Variants in ARRB1 observed in about 807,000 individuals in gnomAD.
The protein encoded by ARRB1 is arrestin beta 1.
Under a neutral mutation model 56.8 loss-of-function variants are expected in ARRB1, and 21 were observed. The ratio of observed to expected loss-of-function variants is 0.37; its 90% CI spans 0.26 to 0.53. ARRB1 has a LOEUF of 0.53. ARRB1 is among the 20% of genes least tolerant of loss of function. The probability of loss-of-function intolerance (pLI) is 0.88; values close to 1 mark genes in which losing one functional copy is unlikely to be tolerated. For missense variants in ARRB1, 424 were observed against 553.7 expected, an observed-to-expected ratio of 0.77 and a Z score of 2.35; for synonymous variants, 210 against 218.6, an observed-to-expected ratio of 0.96 and a Z score of 0.35.
Position 75,274,357 on chromosome 11 carries a change from G to C in ARRB1, c.777-146C>G, listed in dbSNP as rs1390133197. The C allele has an allele frequency of 7.0e-6, 8 of 1,149,022 alleles. No individual in the cohort carries two copies. The South Asian group carries it at 1.2e-4, about 17-fold the overall frequency. The allele number at this position is 1,149,022 out of a possible 1,614,324, so 71.2% of individuals were successfully genotyped here. On this transcript the variant is annotated intron_variant, in intron 10 of 15. Transcript: ENST00000420843. ...TCCCCCAGACACACGGACCACTTGG[G>C]CCAGCCCAGCTCGGGCAAGGAGACC...
intron 1 of ARRB1, among the ~76,000 whole-genome samples, chr11:75,320,850 G>A (rs765815246): frequency 2.6e-5 from 4 of 152,338 alleles, no homozygotes; most frequent in South Asian, 2.1e-4. Flanking sequence ...ACCACTGGGC[G>A]CTGGGACACA....
At chr11:75,283,934 C>T (rs1375702836) in intron 4 of ARRB1, among the ~76,000 whole-genome samples, 2 of 152,158 alleles carry the variant, frequency 1.3e-5, no homozygotes, top group Admixed American at 6.5e-5. Context: ...CGCATTGATA[C>T]TGCCCCGGTA....
chr11:75,300,136 G>A lies in ARRB1; in HGVS notation c.21-10097C>T, dbSNP rs142280173. On this transcript the variant is annotated intron_variant, in intron 1 of 15. Transcript: ENST00000420843. ...AGGAGAAACACTGAACCCAGGAGGC[G>A]AGGTTGCAGTGAGCTGAGATTGCAC... Among the ~76,000 whole-genome samples the A allele has an allele frequency of 1.8e-3, 266 of 149,454 alleles. 1 individual carries two copies. Among genetic ancestry groups the A allele is most frequent in the African/African-American group, 5.9e-3 (239 of 40,344 alleles).
At chr11:75,308,202 C>T (rs939443296) in intron 1 of ARRB1, among the ~76,000 whole-genome samples, 5 of 152,208 alleles carry the variant, frequency 3.3e-5, no homozygotes, top group Non-Finnish European at 7.3e-5. Flanking sequence ...CCACAAAGTA[C>T]TTTGCCGACA....
intron 1 of ARRB1, among the ~76,000 whole-genome samples, chr11:75,341,042 T>C (rs894234843): frequency 4.0e-5 from 6 of 149,464 alleles, no homozygotes; most frequent in East Asian, 2.0e-4. Context: ...CTGTGTACAC[T>C]ACCCTGGACC....
chr11:75,281,891 G>T, intron 6 of ARRB1, 71 bp downstream of exon 6: 1 of 1,520,250 alleles, frequency 6.6e-7, no homozygotes, highest in South Asian at 1.1e-5. Flanking sequence ...GCACCTCCCA[G>T]GGAGAAAGCC....
chr11:75,276,156 A>G (rs1253892047), intron 10 of ARRB1, among the ~76,000 whole-genome samples: 1 of 152,180 alleles, frequency 6.6e-6, no homozygotes, highest in African/African-American at 2.4e-5. Context: ...ACAAATACAC[A>G]TATACATGTA....
chr11:75,314,609 C>G (rs544707483), intron 1 of ARRB1, among the ~76,000 whole-genome samples: 2 of 148,294 alleles, frequency 1.3e-5, no homozygotes, highest in Non-Finnish European at 2.9e-5. Context: ...AACAACAGCA[C>G]GTTTTTTTTT....
At chr11:75,312,259 G>A (rs56117769) in intron 1 of ARRB1, 41,504 of 814,674 alleles carry the variant, frequency 0.051, 1,260 homozygotes, top group African/African-American at 0.065. Context: ...CTGCCCCTGG[G>A]AAGGAGTGGG....
chr11:75,347,050 C>G (rs764935728), intron 1 of ARRB1, among the ~76,000 whole-genome samples: 1 of 152,272 alleles, frequency 6.6e-6, no homozygotes, highest in Non-Finnish European at 1.5e-5. Flanking sequence ...TCCCAGCCTG[C>G]TGTTCTACTG....
intron 15 of ARRB1, 82 bp from the exon 16 acceptor site, chr11:75,266,356 C>A: frequency 8.6e-7 from 1 of 1,164,522 alleles, no homozygotes; most frequent in South Asian, 1.2e-5. Context: ...CCAGATGTGA[C>A]TCAGAGTATG....
intron 12 of ARRB1, among the ~76,000 whole-genome samples, chr11:75,272,141 A>C (rs527450572): frequency 4.6e-5 from 7 of 152,380 alleles, no homozygotes; most frequent in Admixed American, 2.0e-4. Flanking sequence ...GAGATGTCCT[A>C]TTATATAAGG....
chr11:75,343,488 C>A (rs979341942), intron 1 of ARRB1, among the ~76,000 whole-genome samples: 1 of 152,200 alleles, frequency 6.6e-6, no homozygotes, highest in Non-Finnish European at 1.5e-5. Flanking sequence ...GCGATAAGAA[C>A]CGCATAAAAC....
At chr11:75,267,581 T>C in intron 15 of ARRB1, 71 bp downstream of exon 15, 2 of 1,477,796 alleles carry the variant, frequency 1.4e-6, no homozygotes, top group South Asian at 1.2e-5. Context: ...TAAGCATATA[T>C]GCAAATGACC....
At chr11:75,324,530 C>T (rs1337891135) in intron 1 of ARRB1, among the ~76,000 whole-genome samples, 3 of 152,136 alleles carry the variant, frequency 2.0e-5, no homozygotes, top group African/African-American at 4.8e-5. Flanking sequence ...GAACGAAGGG[C>T]TGAATAAATG....
Position 75,323,790 on chromosome 11 carries a change from C to T in ARRB1, c.20+27798G>A, listed in dbSNP as rs531523432. On this transcript the variant is annotated intron_variant, in intron 1 of 15. Coordinates refer to ENST00000420843, the MANE Select transcript of ARRB1 (RefSeq NM_004041.5). Reference sequence around the variant, plus strand: ...GAGCCACCCAGGGTCCAGGCTCTGCCTTCAGGAAGTGACGGGATAGCTCCA... The same window carrying T: ...GAGCCACCCAGGGTCCAGGCTCTGCTTTCAGGAAGTGACGGGATAGCTCCA... 2.6e-5 allele frequency among the ~76,000 whole-genome samples: 4 copies of T among 152,236 alleles called. No homozygotes were observed. In the East Asian group the frequency reaches 7.7e-4, roughly 29 times the overall value.
At chr11:75,344,820 C>A (rs891522501) in intron 1 of ARRB1, among the ~76,000 whole-genome samples, 1 of 152,174 alleles carries the variant, frequency 6.6e-6, no homozygotes, top group African/African-American at 2.4e-5. Context: ...TTCGACAAGC[C>A]TCCCTGCAAG....
At position 75,278,596 on chromosome 11, in the gene ARRB1, C is replaced by T. The variant is rs773562343; in HGVS notation, c.618+13G>A. The T allele has an allele frequency of 1.2e-6, 2 of 1,613,988 alleles. No individual in the cohort carries two copies. The highest frequency in any genetic ancestry group is 2.2e-5 in the South Asian group (2 of 91,072). On this transcript the variant is annotated intron_variant, in intron 8 of 15. Coordinates refer to ENST00000420843, the MANE Select transcript of ARRB1 (RefSeq NM_004041.5). ...GAGCAGCCCCCACCCCCTGCCAAGT[C>T]CGAGCCTCCTACCTCCTTATCCAGA... is the stretch of plus-strand genomic sequence containing the variant.
rs1946568689 is a variant in ARRB1, at chr11:75,290,058, G to A, written c.21-19C>T. 2.5e-6 allele frequency: 4 copies of A among 1,614,030 alleles called. No homozygotes were observed. Among genetic ancestry groups the A allele is most frequent in the South Asian group, 1.1e-5 (1 of 91,082 alleles). On this transcript the variant is annotated intron_variant, in intron 1 of 15. Coordinates refer to ENST00000420843, the MANE Select transcript of ARRB1 (RefSeq NM_004041.5). ...GAACACTCTGTGGAGAGAAAGAGAGGTCAGGCCAGGGTTCGCGTATCCTGC... is the reference window on the plus strand; with the variant it reads ...GAACACTCTGTGGAGAGAAAGAGAGATCAGGCCAGGGTTCGCGTATCCTGC...
Sources: allele counts gnomAD v4.1 joint callset (sites outside exome capture counted in the v4.1 genomes callset), GRCh38; gene constraint gnomAD v4.1.1; transcripts MANE v1.5; gene names NCBI Gene and HGNC (gene_info 2026-07-23, HGNC 2026-07-21).